The following TMEM135 variants were observed in gnomAD, a reference collection of about 807,000 sequenced individuals.
The protein encoded by TMEM135 is transmembrane protein 135.
TMEM135 carries 30 observed loss-of-function variants against 60.3 expected under a neutral mutation model. That is an observed-to-expected ratio of 0.50 (90% CI 0.37 to 0.68). TMEM135 has a LOEUF of 0.68. TMEM135 is among the 30% of genes least tolerant of loss of function. TMEM135 has a pLI of 0.00. For missense variants in TMEM135, 468 were observed against 548.8 expected, an observed-to-expected ratio of 0.85 and a Z score of 1.47; for synonymous variants, 190 against 186.7, an observed-to-expected ratio of 1.02 and a Z score of -0.14.
intron 3 of TMEM135, among the ~76,000 whole-genome samples, chr11:87,082,394 G>T (rs905370968): frequency 6.6e-6 from 1 of 152,156 alleles, no homozygotes; most frequent in African/African-American, 2.4e-5. Flanking sequence ...AAGAGTTGAA[G>T]TTATGCATAT....
intron 5 of TMEM135, among the ~76,000 whole-genome samples, chr11:87,203,839 T>C (rs537231511): frequency 9.2e-5 from 14 of 152,172 alleles, no homozygotes; most frequent in Non-Finnish European, 1.9e-4. Flanking sequence ...TGAATGAGAG[T>C]TCCTGTTGTT....
At chr11:87,241,348 T>C (rs527781074) in intron 6 of TMEM135, among the ~76,000 whole-genome samples, 77 of 152,224 alleles carry the variant, frequency 5.1e-4, no homozygotes, top group African/African-American at 1.8e-3. Context: ...ATGTTTATTT[T>C]TAATTTTTAA....
At chr11:87,321,112 C>G in intron 14 of TMEM135, 89 bp from the exon 15 acceptor site, 2 of 1,241,038 alleles carry the variant, frequency 1.6e-6, no homozygotes, top group Non-Finnish European at 2.2e-6. Flanking sequence ...TTCTGTTTTC[C>G]CATCCCACAT....
chr11:87,290,995 C>T (rs1298432626), intron 6 of TMEM135, among the ~76,000 whole-genome samples: 1 of 152,068 alleles, frequency 6.6e-6, no homozygotes, highest in Non-Finnish European at 1.5e-5. Context: ...TTTTATTTTT[C>T]TTCCTTTGAA....
intron 4 of TMEM135, among the ~76,000 whole-genome samples, chr11:87,097,104 C>T (rs1314714595): frequency 6.6e-6 from 1 of 151,700 alleles, no homozygotes; most frequent in Non-Finnish European, 1.5e-5. Context: ...TCAAACGATT[C>T]TCCTGCCTCA....
chr11:87,065,214 T>C (rs912690696), intron 1 of TMEM135, among the ~76,000 whole-genome samples: 2 of 152,238 alleles, frequency 1.3e-5, no homozygotes, highest in African/African-American at 2.4e-5. Flanking sequence ...ACCCCAGGAC[T>C]ACAATTGCTG....
intron 3 of TMEM135, among the ~76,000 whole-genome samples, chr11:87,074,676 G>A (rs968419611): frequency 6.6e-6 from 1 of 152,084 alleles, no homozygotes; most frequent in Non-Finnish European, 1.5e-5. Context: ...GTGAATGTGT[G>A]TTTTTTCTAT....
At chr11:87,163,112 G>T (rs1455726432) in intron 5 of TMEM135, among the ~76,000 whole-genome samples, 2 of 148,010 alleles carry the variant, frequency 1.4e-5, no homozygotes, top group African/African-American at 5.0e-5. Flanking sequence ...ATGTATACAT[G>T]TGCCATGCTG....
chr11:87,099,656 A>C (rs900473381), intron 4 of TMEM135, among the ~76,000 whole-genome samples: 1 of 124,012 alleles, frequency 8.1e-6, no homozygotes, highest in African/African-American at 3.0e-5. Context: ...TGCTGGGTTT[A>C]TATTGTGGTT....
chr11:87,289,361 C>T (rs2135428110), intron 6 of TMEM135, among the ~76,000 whole-genome samples: 1 of 150,266 alleles, frequency 6.7e-6, no homozygotes, highest in Non-Finnish European at 1.5e-5. Context: ...AGTCATCCTA[C>T]AGTGATATAG....
At position 87,043,679 on chromosome 11, in the gene TMEM135, C is replaced by T. The variant is rs575393635; in HGVS notation, c.141+5493C>T. ...CGGAGGTTGTACTGAGCAGAGATCA[C>T]GCCACTGCACTCCAGCCTGGCAACA... On this transcript the variant is annotated intron_variant, in intron 1 of 14. Transcript: ENST00000305494. Among the ~76,000 whole-genome samples the T allele has an allele frequency of 4.6e-5, 7 of 152,018 alleles. No individual in the cohort carries two copies. In the East Asian group the frequency reaches 1.2e-3, roughly 25 times the overall value.
intron 6 of TMEM135, among the ~76,000 whole-genome samples, chr11:87,241,826 C>A (rs1465636284): frequency 1.4e-5 from 2 of 143,558 alleles, no homozygotes; most frequent in Non-Finnish European, 3.1e-5. Flanking sequence ...ATCCATGTTG[C>A]TGCAAATGAC....
At chr11:87,217,617 C>G (rs72955824) in intron 5 of TMEM135, among the ~76,000 whole-genome samples, 1 of 151,984 alleles carries the variant, frequency 6.6e-6, no homozygotes, top group Non-Finnish European at 1.5e-5. Flanking sequence ...GAAACCCCGT[C>G]TCTGCTAAAT....
intron 1 of TMEM135, among the ~76,000 whole-genome samples, chr11:87,064,069 A>T (rs140996458): frequency 6.6e-6 from 1 of 152,162 alleles, no homozygotes; most frequent in African/African-American, 2.4e-5. Context: ...CCACAATTTT[A>T]TATTGTCATG....
intron 4 of TMEM135, among the ~76,000 whole-genome samples, chr11:87,128,289 G>A (rs654986): frequency 0.7 from 106,492 of 152,032 alleles, 37,695 homozygotes; most frequent in East Asian, 0.91. Context: ...ATGCATTTGC[G>A]TATACATGTT....
chr11:87,038,609 C>CTTTTTTTTTTTT (rs3045930), intron 1 of TMEM135, among the ~76,000 whole-genome samples: 1 of 113,932 alleles, frequency 8.8e-6, no homozygotes, highest in Non-Finnish European at 1.8e-5. Flanking sequence ...TTTTATTTTG[C>CTTTTTTTTTTTT]TTTTTTTTTT....
intron 3 of TMEM135, among the ~76,000 whole-genome samples, chr11:87,085,176 G>A (rs1857069663): frequency 6.6e-6 from 1 of 152,206 alleles, no homozygotes; most frequent in Non-Finnish European, 1.5e-5. Flanking sequence ...AGAGGATGAA[G>A]ATGTTGCGTG....
chr11:87,129,548 T>TTTA (rs1452076460), intron 4 of TMEM135, among the ~76,000 whole-genome samples: 1 of 145,088 alleles, frequency 6.9e-6, no homozygotes, highest in Admixed American at 6.7e-5. Context: ...TGGCCAATTT[T>TTTA]TTTTTTTTTT....
chr11:87,242,310 A>G (rs2135380289), intron 6 of TMEM135, among the ~76,000 whole-genome samples: 1 of 151,988 alleles, frequency 6.6e-6, no homozygotes, highest in Non-Finnish European at 1.5e-5. Flanking sequence ...CGCAATAAAC[A>G]TACACGTGCA....
Sources: gnomAD v4.1 joint callset for allele counts (sites outside exome capture counted in the v4.1 genomes callset) on GRCh38, gnomAD v4.1.1 for gene constraint, MANE v1.5 for transcripts, NCBI Gene and HGNC (gene_info 2026-07-23, HGNC 2026-07-21) for gene names.